CCDC7: variants seen among roughly 807,000 people sequenced by gnomAD.
CCDC7 encodes the protein coiled-coil domain containing 7.
In CCDC7, 183 loss-of-function variants were observed where a neutral mutation model predicts 196.9. The observed-to-expected ratio is 0.93, with a 90% CI of 0.82 to 1.05. The LOEUF is 1.05. Among genes scored for constraint, CCDC7 ranks in the 50% least tolerant of loss-of-function variants. CCDC7 has a pLI of 0.00. For synonymous variants in CCDC7, 525 were observed against 484.6 expected (o/e 1.08, Z -1.10); for missense variants, 1,540 against 1,482.2 (o/e 1.04, Z -0.64).
intron 16 of CCDC7, among the ~76,000 whole-genome samples, chr10:32,578,618 G>T (rs2058455064): frequency 6.6e-6 from 1 of 151,696 alleles, no homozygotes; most frequent in Admixed American, 6.6e-5. Flanking sequence ...AAACTAATGC[G>T]GCTGCTGATC....
chr10:32,444,311 C>T (rs2030503223), upstream of CCDC7, among the ~76,000 whole-genome samples: 2 of 152,186 alleles, frequency 1.3e-5, no homozygotes, highest in Non-Finnish European at 2.9e-5. Flanking sequence ...ATGTCACAGA[C>T]TCAAACCACT....
intron 41 of CCDC7, among the ~76,000 whole-genome samples, chr10:32,855,180 T>C (rs879678659): frequency 6.7e-6 from 1 of 150,266 alleles, no homozygotes; most frequent in Non-Finnish European, 1.5e-5. Flanking sequence ...AAATCCCAAA[T>C]ACTTTTTTTA....
intron 21 of CCDC7, among the ~76,000 whole-genome samples, chr10:32,675,478 T>C (rs1430172229): frequency 6.6e-6 from 1 of 152,202 alleles, no homozygotes; most frequent in Non-Finnish European, 1.5e-5. Flanking sequence ...CATTAACCAA[T>C]TTTTGTGATT....
At chr10:32,573,318 T>G (rs1453648187) in intron 16 of CCDC7, among the ~76,000 whole-genome samples, 2 of 152,206 alleles carry the variant, frequency 1.3e-5, no homozygotes, top group Admixed American at 1.3e-4. Context: ...GGTGGTTAAC[T>G]TTTGATATAA....
At chr10:32,599,599 T>A (rs936590716) in intron 18 of CCDC7, among the ~76,000 whole-genome samples, 1 of 152,126 alleles carries the variant, frequency 6.6e-6, no homozygotes, top group Non-Finnish European at 1.5e-5. Context: ...AGATTTTTTG[T>A]GGTTAATATG....
exon 6 of CCDC7, chr10:32,471,214 A>T (rs1398532842): frequency 4.4e-6 from 7 of 1,608,668 alleles, no homozygotes; most frequent in Non-Finnish European, 5.9e-6. Flanking sequence ...CGTGAAAGTC[A>T]TGTTGTCTAA....
chr10:32,527,231 C>G (rs541585017), intron 11 of CCDC7, among the ~76,000 whole-genome samples: 65 of 152,292 alleles, frequency 4.3e-4, no homozygotes, highest in Admixed American at 1.6e-3. Context: ...CTGTTGTGCT[C>G]TCCCTCCCCA....
chr10:32,842,701 A>C (rs1407989524), intron 33 of CCDC7, among the ~76,000 whole-genome samples: 1 of 152,140 alleles, frequency 6.6e-6, no homozygotes, highest in Non-Finnish European at 1.5e-5. Context: ...CCAAATGCCC[A>C]TCAATCAATG....
At chr10:32,785,542 A>G (rs1426489070) in intron 29 of CCDC7, among the ~76,000 whole-genome samples, 2 of 152,194 alleles carry the variant, frequency 1.3e-5, no homozygotes, top group Admixed American at 6.5e-5. Flanking sequence ...GTTCATAGCA[A>G]GAAGGTAGAA....
rs149941491 is a variant in CCDC7, at chr10:32,844,441, T to C, written c.3353-802T>C. Among the ~76,000 whole-genome samples, 38 of 152,068 alleles carry C rather than the reference T, an allele frequency of 2.5e-4. No individual in the cohort carries two copies. In the East Asian group the frequency reaches 6.9e-3, roughly 28 times the overall value. ...ATAGTTACAAATCTTAGAAATGACATGAAGTCTTTATGAACAAATCAAAGT... is the reference window on the plus strand; with the variant it reads ...ATAGTTACAAATCTTAGAAATGACACGAAGTCTTTATGAACAAATCAAAGT... On this transcript the variant is annotated intron_variant, in intron 33 of 41. Coordinates refer to ENST00000639629, the Ensembl canonical transcript of CCDC7.
At chr10:32,838,864 AT>A (rs1404129995) in intron 33 of CCDC7, among the ~76,000 whole-genome samples, 1 of 152,032 alleles carries the variant, frequency 6.6e-6, no homozygotes, top group African/African-American at 2.4e-5. Flanking sequence ...TCAGCCAAAA[AT>A]TTTGTATCCA....
chr10:32,710,551 A>T (rs2080652232), intron 24 of CCDC7, among the ~76,000 whole-genome samples: 1 of 152,226 alleles, frequency 6.6e-6, no homozygotes, highest in African/African-American at 2.4e-5. Context: ...CCTCAGAACC[A>T]AAAAGCTTAT....
At chr10:32,722,147 G>C (rs2082506388) in intron 25 of CCDC7, among the ~76,000 whole-genome samples, 1 of 152,078 alleles carries the variant, frequency 6.6e-6, no homozygotes, top group South Asian at 2.1e-4. Flanking sequence ...GTAGACAATA[G>C]CATTAGGTAC....
At chr10:32,707,691 A>T (rs11527561) in intron 24 of CCDC7, among the ~76,000 whole-genome samples, 21,041 of 152,198 alleles carry the variant, frequency 0.14, 1,750 homozygotes, top group East Asian at 0.25. Context: ...ACAAACAGAG[A>T]GCCAAATCAT....
downstream of CCDC7, among the ~76,000 whole-genome samples, chr10:32,879,253 A>G (rs980648526): frequency 6.6e-6 from 1 of 152,188 alleles, no homozygotes; most frequent in Non-Finnish European, 1.5e-5. Flanking sequence ...GAAGAACTGA[A>G]TTGCATCCAT....
At chr10:32,676,804 C>T (rs540698605) in intron 21 of CCDC7, among the ~76,000 whole-genome samples, 1 of 152,142 alleles carries the variant, frequency 6.6e-6, no homozygotes, top group African/African-American at 2.4e-5. Flanking sequence ...TTGTGGAAGG[C>T]AGTGTGGCGA....
chr10:32,513,992 T>C (rs1254957566), intron 9 of CCDC7: 1 of 152,086 alleles, frequency 6.6e-6, no homozygotes, highest in Non-Finnish European at 1.5e-5. Flanking sequence ...AGGGCAATTA[T>C]GGAAGAAAAG....
chr10:32,448,599 G>C (rs908037282), upstream of CCDC7, among the ~76,000 whole-genome samples: 9 of 151,212 alleles, frequency 6.0e-5, no homozygotes, highest in Non-Finnish European at 1.3e-4. Context: ...ATACTATTTG[G>C]TATTGATATT....
chr10:32,803,273 C>T (rs527676255), intron 29 of CCDC7, among the ~76,000 whole-genome samples: 7 of 152,236 alleles, frequency 4.6e-5, no homozygotes, highest in African/African-American at 1.7e-4. Flanking sequence ...ATATATAGCA[C>T]AGTTTAAGTT....
Sources: gnomAD v4.1 joint callset for allele counts (sites outside exome capture counted in the v4.1 genomes callset) on GRCh38, gnomAD v4.1.1 for gene constraint, MANE v1.5 for transcripts, NCBI Gene and HGNC (gene_info 2026-07-23, HGNC 2026-07-21) for gene names.